ULK4: variants seen among roughly 807,000 people sequenced by gnomAD.
The protein encoded by ULK4 is unc-51 like kinase 4, also known as inactive serine/threonine-protein kinase ULK4.
ULK4 carries 133 observed loss-of-function variants against 160.6 expected under a neutral mutation model. The observed-to-expected ratio is 0.83, with a 90% CI of 0.72 to 0.96. The LOEUF (loss-of-function observed/expected upper bound fraction) is 0.96. Among genes scored for constraint, ULK4 ranks in the 40% least tolerant of loss-of-function variants. The pLI is 0.00. For missense variants in ULK4, 1,580 were observed against 1,499.5 expected (o/e 1.05, Z -0.89); for synonymous variants, 534 against 539.8 (o/e 0.99, Z 0.15).
intron 5 of ULK4, among the ~76,000 whole-genome samples, chr3:41,925,224 G>T (rs1451512973): frequency 6.6e-6 from 1 of 152,190 alleles, no homozygotes; most frequent in Admixed American, 6.5e-5. Flanking sequence ...ACTGGGACTG[G>T]TTGGACAGCG....
chr3:41,846,511 T>A (rs1355477241), intron 17 of ULK4, among the ~76,000 whole-genome samples: 4 of 152,012 alleles, frequency 2.6e-5, no homozygotes, highest in Admixed American at 2.6e-4. Flanking sequence ...CTGTTAAAAA[T>A]CCTAACATTG....
intron 21 of ULK4, chr3:41,766,961 T>C (rs906846732): frequency 2.2e-4 from 34 of 152,358 alleles, no homozygotes; most frequent in African/African-American, 7.2e-4. Context: ...CTGGAAGTTT[T>C]TGTGTAGGTC....
chr3:41,458,419 G>C (rs2083604197), intron 33 of ULK4, among the ~76,000 whole-genome samples: 1 of 152,138 alleles, frequency 6.6e-6, no homozygotes, highest in Non-Finnish European at 1.5e-5. Context: ...GCTCTAGTGT[G>C]TGCTAAAACC....
At position 41,565,508 on chromosome 3, in the gene ULK4, G is replaced by C. The variant is rs185755040; in HGVS notation, c.3226+517C>G. 1.4e-4 allele frequency among the ~76,000 whole-genome samples: 22 copies of C among 152,166 alleles called. No individual in the cohort carries two copies. The East Asian group carries it at 4.3e-3, about 29-fold the overall frequency. On this transcript the variant is annotated intron_variant, in intron 32 of 36. Transcript: ENST00000301831. ...AAGATTAGATGAGGTCATTAGGATG[G>C]GATATTAGTCACTTCATAAGAGGAG...
chr3:41,898,185 C>T (rs917046155), intron 14 of ULK4, among the ~76,000 whole-genome samples: 1 of 152,126 alleles, frequency 6.6e-6, no homozygotes, highest in Non-Finnish European at 1.5e-5. Context: ...AAAACTTGCC[C>T]AGATCTACAG....
intron 35 of ULK4, among the ~76,000 whole-genome samples, chr3:41,350,818 A>G (rs982750808): frequency 2.6e-5 from 4 of 152,178 alleles, no homozygotes; most frequent in African/African-American, 9.6e-5. Context: ...TTGGAGAGAA[A>G]TTAACAAGGC....
At chr3:41,263,025 C>T (rs1283378741) in intron 35 of ULK4, among the ~76,000 whole-genome samples, 2 of 152,130 alleles carry the variant, frequency 1.3e-5, no homozygotes, top group South Asian at 2.1e-4. Context: ...TCAGGACTAC[C>T]GTTTTGCCCA....
intron 27 of ULK4, among the ~76,000 whole-genome samples, chr3:41,692,704 A>T (rs2036350520): frequency 1.3e-5 from 2 of 152,078 alleles, no homozygotes; most frequent in Admixed American, 1.3e-4. Flanking sequence ...AATTAATACT[A>T]GTAATATTGA....
chr3:41,729,465 C>A (rs2125862789), intron 22 of ULK4, among the ~76,000 whole-genome samples: 1 of 152,298 alleles, frequency 6.6e-6, no homozygotes, highest in Non-Finnish European at 1.5e-5. Context: ...GACACTGGAG[C>A]CACTGCTAGA....
At chr3:41,917,733 G>C (rs1699016967) in intron 7 of ULK4, among the ~76,000 whole-genome samples, 1 of 152,088 alleles carries the variant, frequency 6.6e-6, no homozygotes, top group Non-Finnish European at 1.5e-5. Context: ...TGTAATCCCA[G>C]CACTTTGGGA....
intron 31 of ULK4, among the ~76,000 whole-genome samples, chr3:41,600,997 G>C (rs1415882063): frequency 6.6e-6 from 1 of 152,056 alleles, no homozygotes; most frequent in Non-Finnish European, 1.5e-5. Flanking sequence ...CAAGAGATCA[G>C]GAAAAGAACA....
chr3:41,698,659 T>A (rs1451862885), intron 27 of ULK4, among the ~76,000 whole-genome samples: 1 of 152,200 alleles, frequency 6.6e-6, no homozygotes, highest in Non-Finnish European at 1.5e-5. Flanking sequence ...AAACCTTTTT[T>A]CATATTTATG....
chr3:41,952,137 G>C (rs1220587850), intron 2 of ULK4, among the ~76,000 whole-genome samples: 4 of 152,068 alleles, frequency 2.6e-5, no homozygotes, highest in African/African-American at 9.7e-5. Context: ...CACTGGGCTT[G>C]GCAATGATTT....
chr3:41,585,954 T>A (rs1358018762), intron 31 of ULK4, among the ~76,000 whole-genome samples: 1 of 152,076 alleles, frequency 6.6e-6, no homozygotes, highest in Non-Finnish European at 1.5e-5. Context: ...AAAACCGCAA[T>A]GATATATCAG....
intron 35 of ULK4, among the ~76,000 whole-genome samples, chr3:41,283,705 G>A (rs1325870536): frequency 1.3e-5 from 2 of 151,926 alleles, no homozygotes; most frequent in African/African-American, 4.8e-5. Flanking sequence ...ATGACAAGTT[G>A]ATGGGTGCAG....
chr3:41,502,362 C>T (rs1481911775), intron 32 of ULK4, among the ~76,000 whole-genome samples: 1 of 152,192 alleles, frequency 6.6e-6, no homozygotes, highest in Non-Finnish European at 1.5e-5. Flanking sequence ...CAGCACTTAT[C>T]TTTTATCTTT....
chr3:41,898,566 T>C, intron 13 of ULK4, 74 bp from the exon 14 acceptor site: 1 of 870,788 alleles, frequency 1.1e-6, no homozygotes, highest in Non-Finnish European at 1.8e-6. Context: ...ATGTCCCTTA[T>C]GTCAGATAAT....
rs1460530737 is a variant in ULK4, at chr3:41,842,394, T to C, written c.1657-6423A>G. Among the ~76,000 whole-genome samples, 4 of 152,206 alleles carry C rather than the reference T, an allele frequency of 2.6e-5. No individual in the cohort carries two copies. The South Asian group carries it at 6.2e-4, about 24-fold the overall frequency. ...TACAGTAATGAAAACTGTTTGGAAATTGATATAGTTTGGATATTCATCCCC... is the reference window on the plus strand; with the variant it reads ...TACAGTAATGAAAACTGTTTGGAAACTGATATAGTTTGGATATTCATCCCC... On this transcript the variant is annotated intron_variant, in intron 17 of 36. Coordinates refer to ENST00000301831, the MANE Select transcript of ULK4 (RefSeq NM_017886.4).
At chr3:41,842,697 C>A (rs565261793) in intron 17 of ULK4, among the ~76,000 whole-genome samples, 2 of 152,350 alleles carry the variant, frequency 1.3e-5, no homozygotes, top group East Asian at 3.9e-4. Context: ...CAGATGCTGG[C>A]ACCATGCTTC....
Sources: allele counts gnomAD v4.1 joint callset (sites outside exome capture counted in the v4.1 genomes callset), GRCh38; gene constraint gnomAD v4.1.1; transcripts MANE v1.5; gene names NCBI Gene and HGNC (gene_info 2026-07-23, HGNC 2026-07-21).